Variants in NKAIN2 observed in about 807,000 individuals in gnomAD.
NKAIN2 encodes sodium/potassium-transporting ATPase subunit beta-1-interacting protein 2.
NKAIN2 carries 14 observed loss-of-function variants against 32.6 expected under a neutral mutation model. The ratio of observed to expected loss-of-function variants is 0.43; its 90% CI spans 0.28 to 0.67. The LOEUF (loss-of-function observed/expected upper bound fraction) is 0.67. Among genes scored for constraint, NKAIN2 ranks in the 30% least tolerant of loss-of-function variants. NKAIN2 has a pLI of 0.17. For missense variants in NKAIN2, 198 were observed against 258.3 expected, an observed-to-expected ratio of 0.77 and a Z score of 1.60; for synonymous variants, 80 against 87.2, an observed-to-expected ratio of 0.92 and a Z score of 0.46.
chr6:124,448,446 C>G (rs1279028438), intron 3 of NKAIN2, among the ~76,000 whole-genome samples: 1 of 152,106 alleles, frequency 6.6e-6, no homozygotes, highest in African/African-American at 2.4e-5. Flanking sequence ...AATGCTTTTC[C>G]TTAATTTGGA....
chr6:124,562,646 C>T (rs959356479), intron 3 of NKAIN2, among the ~76,000 whole-genome samples: 1 of 152,028 alleles, frequency 6.6e-6, no homozygotes, highest in Non-Finnish European at 1.5e-5. Flanking sequence ...AATAAACCTA[C>T]TACAAGTTAC....
chr6:124,355,489 G>A, intron 3 of NKAIN2, 142 bp downstream of exon 3: 1 of 585,702 alleles, frequency 1.7e-6, no homozygotes, highest in Non-Finnish European at 3.1e-6. Context: ...TTATATTTCT[G>A]CATTTTTATC....
intron 3 of NKAIN2, among the ~76,000 whole-genome samples, chr6:124,462,776 C>T (rs117064222): frequency 0.01 from 1,592 of 151,948 alleles, 15 homozygotes; most frequent in South Asian, 0.03. Flanking sequence ...ATATGTACTT[C>T]GATGTATATC....
In NKAIN2 at chr6:124,393,656, C is replaced by T. The variant is rs574159037; in HGVS notation, c.273+38309C>T. ...GGTACTGGTACAGATGGTGAGGAGC[C>T]GAGTCTCAAAACCTCACCCCCTGAC... is the stretch of plus-strand genomic sequence containing the variant. On this transcript the variant is annotated intron_variant, in intron 3 of 6. Coordinates refer to ENST00000368417, the MANE Select transcript of NKAIN2 (RefSeq NM_001040214.3). Among the ~76,000 whole-genome samples, 26 of 152,136 alleles carry T rather than the reference C, an allele frequency of 1.7e-4. No individual in the cohort carries two copies. The South Asian group carries it at 2.3e-3, about 13-fold the overall frequency.
chr6:124,091,944 TCTTA>T (rs1784443674), intron 1 of NKAIN2, among the ~76,000 whole-genome samples: 3 of 152,092 alleles, frequency 2.0e-5, no homozygotes, highest in South Asian at 4.1e-4. Context: ...ACTCAGGGCG[TCTTA>T]CTTCTTTTCA....
chr6:124,103,086 A>G (rs1784965621), intron 1 of NKAIN2, among the ~76,000 whole-genome samples: 4 of 152,206 alleles, frequency 2.6e-5, no homozygotes, highest in Non-Finnish European at 4.4e-5. Flanking sequence ...TGAACAAATG[A>G]TGATTTTTAG....
At chr6:124,707,201 T>C (rs948758632) in intron 4 of NKAIN2, among the ~76,000 whole-genome samples, 4 of 152,148 alleles carry the variant, frequency 2.6e-5, no homozygotes, top group African/African-American at 9.7e-5. Flanking sequence ...TAGTATTCCA[T>C]GGTGTATATG....
intron 1 of NKAIN2, among the ~76,000 whole-genome samples, chr6:124,273,224 T>C (rs1189089082): frequency 2.0e-5 from 3 of 152,160 alleles, no homozygotes; most frequent in Non-Finnish European, 4.4e-5. Flanking sequence ...CCAATTGTAA[T>C]CTCCATGTGT....
intron 1 of NKAIN2, among the ~76,000 whole-genome samples, chr6:124,280,386 AT>A (rs1019924161): frequency 5.3e-5 from 8 of 152,166 alleles, no homozygotes; most frequent in African/African-American, 1.9e-4. Context: ...AACAAAATCT[AT>A]TTGTTTTTGG....
intron 3 of NKAIN2, among the ~76,000 whole-genome samples, chr6:124,600,322 G>A (rs975330566): frequency 1.1e-4 from 17 of 152,050 alleles, no homozygotes; most frequent in African/African-American, 4.1e-4. Context: ...AAAAACATGT[G>A]AAACCAACAG....
intron 1 of NKAIN2, among the ~76,000 whole-genome samples, chr6:124,251,729 G>C (rs1793698177): frequency 6.6e-6 from 1 of 151,984 alleles, no homozygotes; most frequent in Non-Finnish European, 1.5e-5. Flanking sequence ...ATGAGTGTCA[G>C]TGAGGATGTG....
chr6:124,249,638 CACA>C (rs1793598453), intron 1 of NKAIN2, among the ~76,000 whole-genome samples: 1 of 151,982 alleles, frequency 6.6e-6, no homozygotes, highest in Non-Finnish European at 1.5e-5. Flanking sequence ...CACACACACG[CACA>C]ACAAGGAATC....
In NKAIN2 at chr6:124,067,941, G is replaced by A. The variant is rs986745066; in HGVS notation, c.55-215064G>A. On this transcript the variant is annotated intron_variant, in intron 1 of 6. Coordinates refer to ENST00000368417, the MANE Select transcript of NKAIN2 (RefSeq NM_001040214.3). Reference sequence around the variant, plus strand: ...TCTAGTGAGGGAAATGGGCATATAAGGAGAGAATGACAGTAGTGTATACCC... The same window carrying A: ...TCTAGTGAGGGAAATGGGCATATAAAGAGAGAATGACAGTAGTGTATACCC... Among the ~76,000 whole-genome samples the A allele has an allele frequency of 1.7e-3, 260 of 152,260 alleles. 2 individuals carry two copies. Among genetic ancestry groups the A allele is most frequent in the Non-Finnish European group, 2.2e-4 (15 of 68,028 alleles).
Position 124,726,058 on chromosome 6 carries a change from C to T in NKAIN2, c.475-65281C>T, listed in dbSNP as rs574652006. Among the ~76,000 whole-genome samples, 232 of 152,294 alleles carry T rather than the reference C, an allele frequency of 1.5e-3. 3 individuals carry two copies. The highest frequency in any genetic ancestry group is 5.3e-3 in the African/African-American group (219 of 41,572). On this transcript the variant is annotated intron_variant, in intron 4 of 6. Coordinates refer to ENST00000368417, the MANE Select transcript of NKAIN2 (RefSeq NM_001040214.3). ...CCTGCACCTGGCTTGGAGGGTCCTA[C>T]GCCCACGGAGTCTCGCTGATTGCTA...
intron 2 of NKAIN2, among the ~76,000 whole-genome samples, chr6:124,287,343 A>C (rs2626111): frequency 0.44 from 66,622 of 152,084 alleles, 18,215 homozygotes; most frequent in African/African-American, 0.78. Context: ...CTTGCCTCCC[A>C]CACAAAAAAG....
chr6:123,868,650 A>G (rs554012283), intron 1 of NKAIN2, among the ~76,000 whole-genome samples: 5 of 152,344 alleles, frequency 3.3e-5, no homozygotes, highest in African/African-American at 9.6e-5. Context: ...AAAATTATTT[A>G]CAAATCTCTG....
chr6:123,806,571 C>T (rs1421259519), intron 1 of NKAIN2, among the ~76,000 whole-genome samples: 1 of 151,994 alleles, frequency 6.6e-6, no homozygotes, highest in Admixed American at 6.6e-5. Context: ...TCCTTTTGCT[C>T]TCAATAGATT....
intron 3 of NKAIN2, among the ~76,000 whole-genome samples, chr6:124,551,454 C>T (rs1301234924): frequency 6.6e-6 from 1 of 152,138 alleles, no homozygotes; most frequent in Non-Finnish European, 1.5e-5. Context: ...ACCTCTTATA[C>T]ATGTCTTGGT....
intron 5 of NKAIN2, among the ~76,000 whole-genome samples, chr6:124,808,435 G>A (rs7774804): frequency 1.8e-3 from 267 of 152,050 alleles, no homozygotes; most frequent in African/African-American, 6.0e-3. Flanking sequence ...ATTCAACAAC[G>A]CTTCATGCTA....
Sources: allele counts gnomAD v4.1 joint callset (sites outside exome capture counted in the v4.1 genomes callset), GRCh38; gene constraint gnomAD v4.1.1; transcripts MANE v1.5; gene names NCBI Gene and HGNC (gene_info 2026-07-23, HGNC 2026-07-21).